FRMD4A: variants seen among roughly 807,000 people sequenced by gnomAD.
FRMD4A encodes FERM domain-containing protein 4A.
FRMD4A carries 29 observed loss-of-function variants against 129.1 expected under a neutral mutation model. The ratio of observed to expected loss-of-function variants is 0.22; its 90% CI spans 0.17 to 0.31. The LOEUF (loss-of-function observed/expected upper bound fraction) is 0.31, where lower values mean the gene tolerates loss of function less well. Among genes scored for constraint, FRMD4A ranks in the 10% least tolerant of loss-of-function variants. FRMD4A has a pLI of 1.00. For missense variants in FRMD4A, 1,272 were observed against 1,375.8 expected (o/e 0.92, Z 1.19); for synonymous variants, 634 against 571.6 (o/e 1.11, Z -1.56).
intron 2 of FRMD4A, among the ~76,000 whole-genome samples, chr10:14,237,651 G>A (rs1420587376): frequency 1.3e-5 from 2 of 151,494 alleles, no homozygotes. Context: ...CTCTGCTGTT[G>A]AGAGAGAGAC....
chr10:14,266,224 C>T (rs913287640), intron 2 of FRMD4A, among the ~76,000 whole-genome samples: 1 of 152,078 alleles, frequency 6.6e-6, no homozygotes, highest in Non-Finnish European at 1.5e-5. Flanking sequence ...TCATCTCTAC[C>T]GACTAAAAGC....
chr10:13,887,508 G>A (rs1271691414), intron 2 of FRMD4A, among the ~76,000 whole-genome samples: 14 of 151,976 alleles, frequency 9.2e-5, no homozygotes. Flanking sequence ...GTGAAACCCC[G>A]TCTCTACTAA....
At chr10:14,171,570 A>C (rs186033752) in intron 2 of FRMD4A, among the ~76,000 whole-genome samples, 2 of 152,314 alleles carry the variant, frequency 1.3e-5, no homozygotes, top group East Asian at 3.9e-4. Context: ...TTCAATGCTC[A>C]TGAACTGTGT....
intron 2 of FRMD4A, among the ~76,000 whole-genome samples, chr10:14,270,324 T>C (rs80335890): frequency 0.064 from 9,750 of 152,298 alleles, 390 homozygotes; most frequent in Non-Finnish European, 0.089. Flanking sequence ...GTTCTGTCTC[T>C]CTGGAAAACC....
intron 2 of FRMD4A, among the ~76,000 whole-genome samples, chr10:14,245,865 C>T (rs1844216602): frequency 1.3e-5 from 2 of 152,142 alleles, no homozygotes; most frequent in African/African-American, 4.8e-5. Flanking sequence ...CCCAAGCAAA[C>T]TCATACAAGC....
intron 3 of FRMD4A, among the ~76,000 whole-genome samples, chr10:13,849,731 G>A (rs1042089064): frequency 2.7e-5 from 4 of 150,044 alleles, no homozygotes; most frequent in African/African-American, 9.8e-5. Context: ...CACCCGCCTC[G>A]GCCTCCCAAA....
chr10:14,239,790 A>G (rs1843975161), intron 2 of FRMD4A, among the ~76,000 whole-genome samples: 1 of 152,240 alleles, frequency 6.6e-6, no homozygotes, highest in South Asian at 2.1e-4. Flanking sequence ...TAGGAGAAAG[A>G]GAGAAAAGAA....
intron 2 of FRMD4A, among the ~76,000 whole-genome samples, chr10:13,904,060 C>A (rs554175858): frequency 1.3e-5 from 2 of 152,210 alleles, no homozygotes; most frequent in South Asian, 4.1e-4. Context: ...TCTCTCACAC[C>A]CCGAGTGAAG....
At chr10:13,682,702 G>A (rs998825945) in intron 15 of FRMD4A, among the ~76,000 whole-genome samples, 52 of 151,894 alleles carry the variant, frequency 3.4e-4, no homozygotes, top group African/African-American at 1.0e-3. Context: ...GGTTAGTAGA[G>A]ATATAGTATG....
intron 2 of FRMD4A, among the ~76,000 whole-genome samples, chr10:13,920,512 T>C (rs2095059266): frequency 6.6e-6 from 1 of 152,238 alleles, no homozygotes; most frequent in Non-Finnish European, 1.5e-5. Context: ...AGAACCTACA[T>C]TACAATACAA....
chr10:14,134,338 T>C (rs1029113174), intron 2 of FRMD4A, among the ~76,000 whole-genome samples: 2 of 150,762 alleles, frequency 1.3e-5, no homozygotes, highest in Non-Finnish European at 3.0e-5. Flanking sequence ...TATGGCTAGA[T>C]GAGTGGATGA....
intron 2 of FRMD4A, among the ~76,000 whole-genome samples, chr10:14,286,067 A>G (rs1564440833): frequency 6.6e-6 from 1 of 152,240 alleles, no homozygotes; most frequent in Non-Finnish European, 1.5e-5. Flanking sequence ...CTCATGTATC[A>G]TGGTGCTAAT....
At chr10:14,310,268 T>A (rs1273179568) in intron 2 of FRMD4A, among the ~76,000 whole-genome samples, 1 of 152,216 alleles carries the variant, frequency 6.6e-6, no homozygotes, top group Non-Finnish European at 1.5e-5. Flanking sequence ...GCCCGCATCC[T>A]AACTCCCTGA....
chr10:13,787,746 T>C (rs2092903474), intron 5 of FRMD4A, among the ~76,000 whole-genome samples: 2 of 151,862 alleles, frequency 1.3e-5, no homozygotes, highest in African/African-American at 2.4e-5. Context: ...GGCCAGCCTC[T>C]TCTTCTTTTT....
intron 2 of FRMD4A, among the ~76,000 whole-genome samples, chr10:14,122,742 C>T (rs1838600501): frequency 6.6e-6 from 1 of 151,904 alleles, no homozygotes. Context: ...CCCACCAGGA[C>T]CCACCTGCAA....
At chr10:14,101,560 T>C (rs1837302425) in intron 2 of FRMD4A, among the ~76,000 whole-genome samples, 1 of 152,080 alleles carries the variant, frequency 6.6e-6, no homozygotes, top group Non-Finnish European at 1.5e-5. Flanking sequence ...AGTGGGAACC[T>C]AGGGATATAG....
intron 2 of FRMD4A, among the ~76,000 whole-genome samples, chr10:14,323,009 G>A (rs1040644524): frequency 6.6e-6 from 1 of 152,184 alleles, no homozygotes; most frequent in African/African-American, 2.4e-5. Context: ...TCCCTTCAAA[G>A]GGTAAGAAAA....
chr10:13,936,944 T>A (rs530061515), intron 2 of FRMD4A, among the ~76,000 whole-genome samples: 2 of 152,376 alleles, frequency 1.3e-5, no homozygotes, highest in Admixed American at 1.3e-4. Context: ...GACATTTCTT[T>A]CTGTTGCTTC....
chr10:14,024,292 A>G (rs1283683068), intron 2 of FRMD4A, among the ~76,000 whole-genome samples: 1 of 152,252 alleles, frequency 6.6e-6, no homozygotes, highest in Non-Finnish European at 1.5e-5. Context: ...CAGGGTCCCA[A>G]GGACTTTCGG....
Sources: gnomAD v4.1 joint callset for allele counts (sites outside exome capture counted in the v4.1 genomes callset) on GRCh38, gnomAD v4.1.1 for gene constraint, MANE v1.5 for transcripts, NCBI Gene and HGNC (gene_info 2026-07-23, HGNC 2026-07-21) for gene names.